The following ADCY2 variants were observed in gnomAD, a reference collection of about 807,000 sequenced individuals.
ADCY2 encodes adenylate cyclase 2, also known as adenylate cyclase type 2.
Under a neutral mutation model 125.2 loss-of-function variants are expected in ADCY2, and 31 were observed. That is an observed-to-expected ratio of 0.25 (90% CI 0.19 to 0.33). The LOEUF is 0.33. ADCY2 is among the 10% of genes least tolerant of loss of function. The probability of loss-of-function intolerance (pLI) is 1.00; values close to 1 mark genes in which losing one functional copy is unlikely to be tolerated. For missense variants in ADCY2, 904 were observed against 1,418.2 expected, an observed-to-expected ratio of 0.64 and a Z score of 5.82; for synonymous variants, 512 against 548.4, an observed-to-expected ratio of 0.93 and a Z score of 0.93.
At chr5:7,417,680 C>T (rs771413510) in intron 2 of ADCY2, among the ~76,000 whole-genome samples, 3 of 152,196 alleles carry the variant, frequency 2.0e-5, no homozygotes, top group Non-Finnish European at 2.9e-5. Context: ...TCTTTCCTGA[C>T]CCCTATCTGT....
intron 7 of ADCY2, among the ~76,000 whole-genome samples, chr5:7,699,389 G>C: frequency 6.6e-6 from 1 of 151,874 alleles, no homozygotes; most frequent in Non-Finnish European, 1.5e-5. Flanking sequence ...GAGCCACCGC[G>C]CCCGGCCAGT....
At chr5:7,434,674 T>C (rs531439108) in intron 2 of ADCY2, among the ~76,000 whole-genome samples, 12 of 152,382 alleles carry the variant, frequency 7.9e-5, no homozygotes, top group African/African-American at 1.4e-4. Flanking sequence ...GGAGCATATC[T>C]ACCTGCTAGT....
rs373954812 is a variant in ADCY2, at chr5:7,738,938, C to G, written c.1872-4730C>G. On this transcript the variant is annotated intron_variant, in intron 14 of 24. Transcript: ENST00000338316. ...GCATCTTATGCATATCTGACAAAAT[C>G]AAAGAAAAAAAGAGACAAATCTACG... 8.6e-5 allele frequency among the ~76,000 whole-genome samples: 13 copies of G among 151,404 alleles called. No individual in the cohort carries two copies. In the East Asian group the frequency reaches 2.5e-3, roughly 29 times the overall value.
intron 3 of ADCY2, among the ~76,000 whole-genome samples, chr5:7,555,193 A>G (rs753912910): frequency 6.6e-6 from 1 of 152,188 alleles, no homozygotes; most frequent in Non-Finnish European, 1.5e-5. Context: ...GCCTACAAGG[A>G]TCTCTTCCTT....
intron 4 of ADCY2, among the ~76,000 whole-genome samples, chr5:7,673,478 C>T (rs910456737): frequency 2.0e-5 from 3 of 151,594 alleles, no homozygotes; most frequent in Non-Finnish European, 2.9e-5. Flanking sequence ...ACAATGTGCA[C>T]GAAACCTGAT....
intron 2 of ADCY2, among the ~76,000 whole-genome samples, chr5:7,461,064 G>A (rs149880977): frequency 2.1e-3 from 319 of 152,220 alleles, no homozygotes; most frequent in African/African-American, 7.3e-3. Context: ...GCTCCTTGCT[G>A]TCCACTGCCC....
intron 2 of ADCY2, among the ~76,000 whole-genome samples, chr5:7,490,942 C>T (rs191735847): frequency 3.9e-5 from 6 of 152,120 alleles, no homozygotes; most frequent in African/African-American, 9.6e-5. Context: ...ATGAAATATA[C>T]GTAATTGAGG....
intron 4 of ADCY2, among the ~76,000 whole-genome samples, chr5:7,644,263 T>C (rs1738814297): frequency 6.6e-6 from 1 of 152,112 alleles, no homozygotes; most frequent in Non-Finnish European, 1.5e-5. Context: ...TTTAAAGGCA[T>C]TTTCCATCCT....
chr5:7,479,053 G>C (rs1742625226), intron 2 of ADCY2, among the ~76,000 whole-genome samples: 1 of 151,798 alleles, frequency 6.6e-6, no homozygotes, highest in Non-Finnish European at 1.5e-5. Context: ...ATTAAAACTT[G>C]GCAAGAACCA....
chr5:7,635,733 G>A (rs1738477599), intron 4 of ADCY2, among the ~76,000 whole-genome samples: 1 of 152,168 alleles, frequency 6.6e-6, no homozygotes, highest in Non-Finnish European at 1.5e-5. Flanking sequence ...AAGGGTCCAG[G>A]ACCAAACCTC....
rs147852844 is a variant in ADCY2 at position 7,707,778 on chromosome 5, C to T, written c.1341C>T (p.Asp447=). The T allele has an allele frequency of 7.4e-6, 12 of 1,614,084 alleles. No individual in the cohort carries two copies. Among genetic ancestry groups the T allele is most frequent in the Non-Finnish European group, 1.0e-5 (12 of 1,180,004 alleles). The change falls in exon 9 of 25, where the codon GAC becomes GAT. Residue 447 remains aspartate (D), a synonymous_variant. Coordinates refer to ENST00000338316, the MANE Select transcript of ADCY2 (RefSeq NM_020546.3). ...ATAAAGTGGAGGAGGGAGATGGTGA[C>T]ATTAGGGACCCATATTTAAAACAGC... ...GAYKVEEGDG[D]IRDPYLKQHL...
intron 2 of ADCY2, among the ~76,000 whole-genome samples, chr5:7,510,705 G>A (rs757157463): frequency 3.9e-5 from 6 of 152,216 alleles, no homozygotes; most frequent in Non-Finnish European, 8.8e-5. Flanking sequence ...GGCAGATGGT[G>A]CAGCTCTCCA....
At position 7,709,603 on chromosome 5, in the gene ADCY2, A is replaced by G. The variant is rs1741376195; in HGVS notation, c.1578+216A>G. Among the ~76,000 whole-genome samples, 1 of 152,234 alleles carries G rather than the reference A, an allele frequency of 6.6e-6. No homozygotes were observed. The highest frequency in any genetic ancestry group is 2.4e-5 in the African/African-American group (1 of 41,466). ...TTCCACCCTAGCGTGATTTTGCATTATAGCTTCATAACCCAAGACAGTGCT... is the reference window on the plus strand; with the variant it reads ...TTCCACCCTAGCGTGATTTTGCATTGTAGCTTCATAACCCAAGACAGTGCT... On this transcript the variant is annotated intron_variant, in intron 10 of 24. Transcript: ENST00000338316. The surrounding 1 kb of genome is among the most constrained non-coding windows in gnomAD (Gnocchi z 4.4).
chr5:7,430,484 T>G (rs1419545695), intron 2 of ADCY2, among the ~76,000 whole-genome samples: 5 of 149,436 alleles, frequency 3.3e-5, no homozygotes, highest in Non-Finnish European at 5.9e-5. Flanking sequence ...GATTACCACA[T>G]TTAATCTAGT....
chr5:7,500,053 C>G (rs1466966359), intron 2 of ADCY2, among the ~76,000 whole-genome samples: 1 of 152,110 alleles, frequency 6.6e-6, no homozygotes, highest in Non-Finnish European at 1.5e-5. Context: ...TTTCACATGC[C>G]TCATTATTGT....
rs1031906742 is a variant in ADCY2 at position 7,746,778 on chromosome 5, G to A, written c.1956+3026G>A. ...CTCTAATACCAGCTTTCAGTTCTCC[G>A]TATGAAGAAATAACATAAAATGTAA... On this transcript the variant is annotated intron_variant, in intron 15 of 24. Coordinates refer to ENST00000338316, the MANE Select transcript of ADCY2 (RefSeq NM_020546.3). Among the ~76,000 whole-genome samples, 17 of 152,292 alleles carry A rather than the reference G, an allele frequency of 1.1e-4. No individual in the cohort carries two copies. The East Asian group carries it at 2.7e-3, about 24-fold the overall frequency.
At chr5:7,451,140 T>G (rs1028951053) in intron 2 of ADCY2, among the ~76,000 whole-genome samples, 2 of 152,224 alleles carry the variant, frequency 1.3e-5, no homozygotes, top group African/African-American at 2.4e-5. Flanking sequence ...CAAGTCTTAT[T>G]ACTTCAGAAA....
chr5:7,624,326 C>A (rs531282766), intron 3 of ADCY2, among the ~76,000 whole-genome samples: 1 of 152,140 alleles, frequency 6.6e-6, no homozygotes, highest in Non-Finnish European at 1.5e-5. Flanking sequence ...ACACTTACAC[C>A]TATTTGGAGA....
chr5:7,485,744 CATT>C (rs1335915429), intron 2 of ADCY2, among the ~76,000 whole-genome samples: 1 of 152,140 alleles, frequency 6.6e-6, no homozygotes, highest in East Asian at 1.9e-4. Context: ...AACTATGACA[CATT>C]AGCATAAACT....
Sources: gnomAD v4.1 joint callset for allele counts (sites outside exome capture counted in the v4.1 genomes callset) on GRCh38, gnomAD v4.1.1 for gene constraint, Gnocchi (gnomAD v3.1) non-coding constraint, MANE v1.5 for transcripts, NCBI Gene and HGNC (gene_info 2026-07-23, HGNC 2026-07-21) for gene names.